TMEM178B: variants seen among roughly 807,000 people sequenced by gnomAD.
The protein encoded by TMEM178B is transmembrane protein 178B.
TMEM178B carries 5 observed loss-of-function variants against 31.0 expected under a neutral mutation model. The ratio of observed to expected loss-of-function variants is 0.16; its 90% CI spans 0.08 to 0.34. TMEM178B has a LOEUF of 0.34. TMEM178B is among the 10% of genes least tolerant of loss of function. The pLI, the probability that TMEM178B is intolerant of heterozygous loss-of-function variation, is 1.00. For synonymous variants in TMEM178B, 164 were observed against 164.0 expected (o/e 1.00, Z 0.00); for missense variants, 275 against 400.3 (o/e 0.69, Z 2.67).
At position 141,273,088 on chromosome 7, in the gene TMEM178B, C is replaced by T. The variant is rs571255049; in HGVS notation, c.496+60384C>T. Among the ~76,000 whole-genome samples, 22 of 152,202 alleles carry T rather than the reference C, an allele frequency of 1.4e-4. No individual in the cohort carries two copies. The South Asian group carries it at 4.4e-3, about 30-fold the overall frequency. ...TGCTGTTTGCAACAACATGTATAAA[C>T]GTGGAGAACATATGCTAGGTAAAAT... is the stretch of plus-strand genomic sequence containing the variant. On this transcript the variant is annotated intron_variant, in intron 2 of 3. Transcript: ENST00000565468.
At chr7:141,113,715 C>G (rs1183692605) in intron 1 of TMEM178B, among the ~76,000 whole-genome samples, 1 of 152,156 alleles carries the variant, frequency 6.6e-6, no homozygotes, top group Non-Finnish European at 1.5e-5. Flanking sequence ...GGCCGGGGAC[C>G]ATGGCATGCA....
chr7:141,263,833 T>C (rs1798053580), intron 2 of TMEM178B, among the ~76,000 whole-genome samples: 7 of 152,206 alleles, frequency 4.6e-5, no homozygotes, highest in Admixed American at 4.6e-4. Context: ...ACTTTTACTT[T>C]CCATAGTTCT....
At position 141,472,037 on chromosome 7, in the gene TMEM178B, A is replaced by AG. The variant is rs1254358570; in HGVS notation, c.*1256dup. On this transcript the variant is annotated 3_prime_UTR_variant, in exon 4 of 4. Coordinates refer to ENST00000565468, the MANE Select transcript of TMEM178B (RefSeq NM_001195278.2). ...CTGGGCACATAAGCCATGAGAGAAGAGGGGGAACACACAGTTCAGGAGAGA... is the reference window on the plus strand; with the variant it reads ...CTGGGCACATAAGCCATGAGAGAAGAGGGGGGAACACACAGTTCAGGAGAGA... The AG allele has an allele frequency of 3.3e-5, 5 of 152,274 alleles. No homozygotes were observed. The highest frequency in any genetic ancestry group is 1.2e-4 in the African/African-American group (5 of 41,514). The allele number at this position is 152,274 out of a possible 1,614,324, so 9.4% of individuals were successfully genotyped here.
chr7:141,464,858 G>A (rs1440633894), intron 3 of TMEM178B, among the ~76,000 whole-genome samples: 2 of 152,076 alleles, frequency 1.3e-5, no homozygotes, highest in Non-Finnish European at 2.9e-5. Context: ...GTTATGCCTG[G>A]CACTGCTTAC....
At chr7:141,395,419 C>T (rs1393579439) in intron 2 of TMEM178B, among the ~76,000 whole-genome samples, 1 of 152,266 alleles carries the variant, frequency 6.6e-6, no homozygotes, top group South Asian at 2.1e-4. Context: ...CCAGCCCAAG[C>T]GACATAGGGA....
intron 2 of TMEM178B, among the ~76,000 whole-genome samples, chr7:141,354,123 G>C (rs951266467): frequency 6.6e-6 from 1 of 152,218 alleles, no homozygotes; most frequent in Admixed American, 6.5e-5. Flanking sequence ...AAGCTTTAAA[G>C]AGTCTACAGT....
intron 2 of TMEM178B, among the ~76,000 whole-genome samples, chr7:141,243,171 C>T (rs924857593): frequency 2.0e-5 from 3 of 151,854 alleles, no homozygotes; most frequent in Non-Finnish European, 4.4e-5. Flanking sequence ...GCCTTTTTTT[C>T]GGGTCATTGA....
At position 141,478,623 on chromosome 7, in the gene TMEM178B, G is replaced by A. The variant is rs146335002; in HGVS notation, c.*7837G>A. Reference sequence around the variant, plus strand: ...TTTAGACTACATTTTAACCTAACATGTCAAAAATAGTATCACTTCAGCATG... The same window carrying A: ...TTTAGACTACATTTTAACCTAACATATCAAAAATAGTATCACTTCAGCATG... On this transcript the variant is annotated 3_prime_UTR_variant, in exon 4 of 4. Coordinates refer to ENST00000565468, the MANE Select transcript of TMEM178B (RefSeq NM_001195278.2). 4 of 152,258 alleles carry A rather than the reference G, an allele frequency of 2.6e-5. No homozygotes were observed. The East Asian group carries it at 7.7e-4, about 29-fold the overall frequency. The allele number at this position is 152,258 out of a possible 1,614,324, so 9.4% of individuals were successfully genotyped here. A position where few individuals can be genotyped will look rare whatever the true frequency, so the allele number is the denominator to read the frequency against.
intron 2 of TMEM178B, among the ~76,000 whole-genome samples, chr7:141,244,240 T>C (rs11972835): frequency 0.019 from 2,850 of 152,306 alleles, 75 homozygotes; most frequent in African/African-American, 0.065. Flanking sequence ...CTATGTAACA[T>C]AACTGACGGT....
intron 1 of TMEM178B, among the ~76,000 whole-genome samples, chr7:141,106,803 C>T (rs949223652): frequency 4.6e-5 from 7 of 152,224 alleles, no homozygotes; most frequent in Admixed American, 4.6e-4. Flanking sequence ...ATTCACTTAA[C>T]ACATATTTCA....
At chr7:141,455,952 G>A (rs1017171326) in intron 3 of TMEM178B, among the ~76,000 whole-genome samples, 13 of 152,232 alleles carry the variant, frequency 8.5e-5, no homozygotes, top group Non-Finnish European at 1.5e-4. Context: ...GAATCAGATA[G>A]GGCAGAAGCC....
intron 2 of TMEM178B, chr7:141,351,978 T>A (rs1284431911): frequency 6.5e-6 from 1 of 152,686 alleles, no homozygotes; most frequent in East Asian, 1.9e-4. Context: ...ACCACCACGA[T>A]GCCAGAGAGC....
At chr7:141,263,969 A>G (rs1798055860) in intron 2 of TMEM178B, among the ~76,000 whole-genome samples, 1 of 152,242 alleles carries the variant, frequency 6.6e-6, no homozygotes, top group African/African-American at 2.4e-5. Flanking sequence ...AAAATTCCAA[A>G]TGTGGAGCTT....
Position 141,422,276 on chromosome 7 carries a change from C to T in TMEM178B, c.497-15332C>T, listed in dbSNP as rs1172182657. Reference sequence around the variant, plus strand: ...TGGGGCCCAAAGGCTGGCTCTCCCTCTCTTGTACAGGACTTTTGGGGTTCC... The same window carrying T: ...TGGGGCCCAAAGGCTGGCTCTCCCTTTCTTGTACAGGACTTTTGGGGTTCC... On this transcript the variant is annotated intron_variant, in intron 2 of 3. Coordinates refer to ENST00000565468, the MANE Select transcript of TMEM178B (RefSeq NM_001195278.2). The surrounding 1 kb of genome is among the most constrained non-coding windows in gnomAD (Gnocchi z 4.2). Among the ~76,000 whole-genome samples the T allele has an allele frequency of 6.6e-6, 1 of 152,226 alleles. No individual in the cohort carries two copies. Among genetic ancestry groups the T allele is most frequent in the African/African-American group, 2.4e-5 (1 of 41,468 alleles).
intron 2 of TMEM178B, among the ~76,000 whole-genome samples, chr7:141,345,828 G>C (rs1799609262): frequency 6.6e-6 from 1 of 152,122 alleles, no homozygotes; most frequent in South Asian, 2.1e-4. Context: ...TAAACTTTAA[G>C]AGAGTTGTTA....
rs138423742 is a variant in TMEM178B, at chr7:141,423,096, G to A, written c.497-14512G>A. 4.1e-3 allele frequency among the ~76,000 whole-genome samples: 627 copies of A among 152,300 alleles called. 2 individuals carry two copies. The highest frequency in any genetic ancestry group is 0.013 in the African/African-American group (552 of 41,556). On this transcript the variant is annotated intron_variant, in intron 2 of 3. Transcript: ENST00000565468. ...GCTCTGTCACCCAGGCTGGAGTGCA[G>A]TGGCGTGATCTCGGCTCACTGTAAC...
intron 2 of TMEM178B, among the ~76,000 whole-genome samples, chr7:141,410,440 TATTTTCCCTCCCTCCCTCC>T (rs1277120873): frequency 6.6e-6 from 1 of 151,616 alleles, no homozygotes; most frequent in East Asian, 1.9e-4. Context: ...TCTTTTCTTT[TATTTTCCCTCCCTCCCTCC>T]CCCACCTCTG....
At position 141,262,474 on chromosome 7, in the gene TMEM178B, A is replaced by AATATATATATATATATATATATATATAT. The variant is rs10570183; in HGVS notation, c.496+49773_496+49800dup. Among the ~76,000 whole-genome samples, 163 of 131,776 alleles carry AATATATATATATATATATATATATATAT rather than the reference A, an allele frequency of 1.2e-3. 2 individuals are homozygous for AATATATATATATATATATATATATATAT. Among genetic ancestry groups the AATATATATATATATATATATATATATAT allele is most frequent in the South Asian group, 2.1e-3 (8 of 3,782 alleles). 86.5% of individuals were successfully genotyped at this position (131,776 alleles called of 152,430 possible). ...AATGGAAAGCTTGATAAATACATAT[A>AATATATATATATATATATATATATATAT]ATATATATATATATATATATATATA... is the stretch of plus-strand genomic sequence containing the variant. On this transcript the variant is annotated intron_variant, in intron 2 of 3. Coordinates refer to ENST00000565468, the MANE Select transcript of TMEM178B (RefSeq NM_001195278.2).
intron 1 of TMEM178B, among the ~76,000 whole-genome samples, chr7:141,122,513 A>G (rs1795426398): frequency 1.3e-5 from 2 of 152,242 alleles, no homozygotes; most frequent in South Asian, 4.1e-4. Context: ...ATTCTGCAAA[A>G]CAAATTCCAT....
Sources: allele counts gnomAD v4.1 joint callset (sites outside exome capture counted in the v4.1 genomes callset), GRCh38; gene constraint gnomAD v4.1.1; non-coding constraint Gnocchi (gnomAD v3.1); transcripts MANE v1.5; gene names NCBI Gene and HGNC (gene_info 2026-07-23, HGNC 2026-07-21).